Variants in PTPRD observed in about 807,000 individuals in gnomAD.
PTPRD encodes the protein protein tyrosine phosphatase receptor type D.
Under a neutral mutation model 214.5 loss-of-function variants are expected in PTPRD, and 34 were observed. The ratio of observed to expected loss-of-function variants is 0.16; its 90% CI spans 0.12 to 0.21. PTPRD has a LOEUF of 0.21. Among genes scored for constraint, PTPRD ranks in the 10% least tolerant of loss-of-function variants. PTPRD has a pLI of 1.00. For synonymous variants in PTPRD, 1,128 were observed against 845.7 expected (o/e 1.33, Z -5.79); for missense variants, 2,545 against 2,398.7 (o/e 1.06, Z -1.27).
intron 10 of PTPRD, among the ~76,000 whole-genome samples, chr9:9,111,008 G>T (rs1394840089): frequency 6.6e-6 from 1 of 151,886 alleles, no homozygotes; most frequent in Non-Finnish European, 1.5e-5. Flanking sequence ...CTCTGTGATT[G>T]GCACTGGGTA....
At chr9:8,474,958 C>T (rs1027507723) in intron 30 of PTPRD, among the ~76,000 whole-genome samples, 3 of 152,166 alleles carry the variant, frequency 2.0e-5, no homozygotes, top group Non-Finnish European at 4.4e-5. Context: ...TATATCTCAA[C>T]TTCTCCTTCC....
chr9:8,341,411 T>C, intron 40 of PTPRD, 143 bp from the exon 41 acceptor site: 1 of 914,764 alleles, frequency 1.1e-6, no homozygotes, highest in Non-Finnish European at 1.6e-6. Flanking sequence ...ATTGTACTGC[T>C]TTTCACATCT....
intron 11 of PTPRD, among the ~76,000 whole-genome samples, chr9:8,745,917 C>T (rs374126896): frequency 6.6e-6 from 1 of 152,070 alleles, no homozygotes; most frequent in South Asian, 2.1e-4. Flanking sequence ...CCCGCCTCTA[C>T]CCCCAGAGTA....
intron 14 of PTPRD, among the ~76,000 whole-genome samples, chr9:8,611,670 C>T (rs577357103): frequency 9.3e-5 from 14 of 150,794 alleles, no homozygotes; most frequent in Admixed American, 2.7e-4. Context: ...GATCCAGCCA[C>T]TGCACTCCAG....
intron 5 of PTPRD, among the ~76,000 whole-genome samples, chr9:9,932,881 G>C (rs538471550): frequency 7.5e-6 from 1 of 132,710 alleles, no homozygotes; most frequent in East Asian, 2.7e-4. Flanking sequence ...CAGATCTCTC[G>C]GCAGAAACCC....
At chr9:10,592,848 G>A (rs1277313515) in intron 2 of PTPRD, among the ~76,000 whole-genome samples, 3 of 151,866 alleles carry the variant, frequency 2.0e-5, no homozygotes, top group East Asian at 1.9e-4. Flanking sequence ...GGACAGAAAC[G>A]GAACATGGGC....
At chr9:10,381,845 G>T (rs1207322841) in intron 2 of PTPRD, among the ~76,000 whole-genome samples, 2 of 151,890 alleles carry the variant, frequency 1.3e-5, no homozygotes, top group Admixed American at 1.3e-4. Flanking sequence ...GGCATTATTG[G>T]AGGATAACTT....
chr9:9,143,686 T>G (rs2154482081), intron 10 of PTPRD, among the ~76,000 whole-genome samples: 1 of 152,322 alleles, frequency 6.6e-6, no homozygotes, highest in East Asian at 1.9e-4. Flanking sequence ...TTGTATGTTA[T>G]TAAAAAATAA....
chr9:9,430,199 C>G (rs1278171664), intron 8 of PTPRD, among the ~76,000 whole-genome samples: 1 of 152,166 alleles, frequency 6.6e-6, no homozygotes, highest in East Asian at 1.9e-4. Flanking sequence ...GCAACTTCAG[C>G]AAAGTCTCAG....
intron 5 of PTPRD, among the ~76,000 whole-genome samples, chr9:9,827,791 G>C (rs745714980): frequency 6.6e-6 from 1 of 152,012 alleles, no homozygotes. Flanking sequence ...AATCTACAAA[G>C]AACTCAAACA....
intron 2 of PTPRD, among the ~76,000 whole-genome samples, chr9:10,517,743 G>C (rs2050625969): frequency 6.6e-6 from 1 of 151,890 alleles, no homozygotes; most frequent in African/African-American, 2.4e-5. Context: ...CAGAAGAAAG[G>C]GTCTTTGCTT....
intron 11 of PTPRD, among the ~76,000 whole-genome samples, chr9:9,008,740 G>A (rs560244356): frequency 1.9e-4 from 29 of 151,962 alleles, no homozygotes; most frequent in Non-Finnish European, 3.2e-4. Context: ...TTTTTAATTC[G>A]TCTCCTTAGT....
chr9:9,651,077 A>G (rs1355833481), intron 7 of PTPRD, among the ~76,000 whole-genome samples: 5 of 152,154 alleles, frequency 3.3e-5, no homozygotes, highest in African/African-American at 1.2e-4. Context: ...GATAAATAAT[A>G]TACCCATGGT....
intron 2 of PTPRD, among the ~76,000 whole-genome samples, chr9:10,420,613 A>G (rs190180708): frequency 6.6e-6 from 1 of 152,002 alleles, no homozygotes; most frequent in East Asian, 2.0e-4. Context: ...TTCTCCAAGA[A>G]GTGGGCATAC....
chr9:8,612,568 A>G (rs900975937), intron 14 of PTPRD, among the ~76,000 whole-genome samples: 1 of 152,246 alleles, frequency 6.6e-6, no homozygotes, highest in Non-Finnish European at 1.5e-5. Context: ...ATGGGAATGC[A>G]TTGGTCAGAA....
At chr9:9,396,439 A>G (rs2067851580) in intron 9 of PTPRD, among the ~76,000 whole-genome samples, 1 of 152,048 alleles carries the variant, frequency 6.6e-6, no homozygotes, top group Non-Finnish European at 1.5e-5. Flanking sequence ...TTAAGGTTTG[A>G]GAAGCACCAA....
chr9:9,767,096 T>C (rs1313577495), intron 5 of PTPRD, among the ~76,000 whole-genome samples: 1 of 151,920 alleles, frequency 6.6e-6, no homozygotes, highest in East Asian at 1.9e-4. Context: ...GGACTTCTGT[T>C]CCTTTATGTC....
At chr9:8,701,328 C>T (rs927383736) in intron 12 of PTPRD, 1 of 151,848 alleles carries the variant, frequency 6.6e-6, no homozygotes, top group African/African-American at 2.4e-5. Context: ...GTAAATTTCT[C>T]TATGTTAATG....
intron 5 of PTPRD, among the ~76,000 whole-genome samples, chr9:9,922,753 T>C (rs896508246): frequency 6.6e-6 from 1 of 151,508 alleles, no homozygotes; most frequent in Non-Finnish European, 1.5e-5. Context: ...AAGAACATTC[T>C]ATTAAAAACA....
Sources: gnomAD v4.1 joint callset for allele counts (sites outside exome capture counted in the v4.1 genomes callset) on GRCh38, gnomAD v4.1.1 for gene constraint, MANE v1.5 for transcripts, NCBI Gene and HGNC (gene_info 2026-07-23, HGNC 2026-07-21) for gene names.